Variants in ZNF611 observed in about 807,000 individuals in gnomAD.
The protein encoded by ZNF611 is zinc finger protein 611.
A neutral mutation model predicts 8.9 loss-of-function variants in ZNF611; 6 were observed. The ratio of observed to expected loss-of-function variants is 0.68; its 90% CI spans 0.37 to 1.34. ZNF611 has a LOEUF of 1.34. Ranked by LOEUF, ZNF611 falls within the 40% of genes most tolerant of loss-of-function variation. ZNF611 has a pLI of 0.02. For synonymous variants in ZNF611, 262 were observed against 279.7 expected, an observed-to-expected ratio of 0.94 and a Z score of 0.63; for missense variants, 874 against 841.3, an observed-to-expected ratio of 1.04 and a Z score of -0.48.
intron 3 of ZNF611, among the ~76,000 whole-genome samples, chr19:52,717,165 G>A (rs1369821487): frequency 6.6e-6 from 1 of 152,044 alleles, no homozygotes; most frequent in African/African-American, 2.4e-5. Flanking sequence ...CCAAACCAAC[G>A]TACTTCTTAC....
intron 1 of ZNF611, among the ~76,000 whole-genome samples, chr19:52,731,169 T>A (rs2062423644): frequency 6.6e-6 from 1 of 150,416 alleles, no homozygotes; most frequent in Admixed American, 6.6e-5. Flanking sequence ...TGGGTCCAAA[T>A]AATTCTCCTG....
chr19:52,710,516 C>A lies in ZNF611; in HGVS notation c.190+3499G>T, dbSNP rs1229757995. Among the ~76,000 whole-genome samples, 3 of 152,138 alleles carry A rather than the reference C, an allele frequency of 2.0e-5. No individual in the cohort carries two copies. In the East Asian group the frequency reaches 5.8e-4, roughly 29 times the overall value. On this transcript the variant is annotated intron_variant, in intron 5 of 5. Coordinates refer to ENST00000652185, the MANE Select transcript of ZNF611 (RefSeq NM_001161499.2). The stretch of plus-strand genomic sequence containing the variant: ...AAATATTGGGATAATAGGTGTGAGA[C>A]ATCATGCCCGTCCAATGTTTTTTAA...
At position 52,714,102 on chromosome 19, in the gene ZNF611, A is replaced by G. The variant is rs527311203; in HGVS notation, c.103T>C (p.Leu35=). The G allele has an allele frequency of 6.2e-6, 10 of 1,613,988 alleles. No individual in the cohort carries two copies. Among genetic ancestry groups the G allele is most frequent in the South Asian group, 4.4e-5 (4 of 91,034 alleles). The change falls in exon 5 of 6, where the codon TTG becomes CTG. Residue 35 remains leucine, a synonymous_variant. Transcript: ENST00000652185. The part of the protein sequence containing the change: ...TFRDVAIEFS[L]AEWKCLNPSQ... ...GGGTTCAGGCATTTCCACTCTGCCA[A>G]TGAGAATTCTATAGCCACATCCCGG...
At position 52,714,101 on chromosome 19, in the gene ZNF611, A is replaced by G; in HGVS notation, c.104T>C (p.Leu35Ser). The change falls in exon 5 of 6, where the codon TTG becomes TCG. Residue 35 changes from leucine to serine, a missense_variant. Leu to Ser is a moderately radical substitution (Grantham distance 145). Transcript: ENST00000652185. ...TFRDVAIEFS[L>S]AEWKCLNPSQ... is the part of the protein sequence containing the mutation. Reference sequence around the variant, plus strand: ...AGGGTTCAGGCATTTCCACTCTGCCAATGAGAATTCTATAGCCACATCCCG... The same window carrying G: ...AGGGTTCAGGCATTTCCACTCTGCCGATGAGAATTCTATAGCCACATCCCG... 1 of 1,613,934 alleles carries G rather than the reference A, an allele frequency of 6.2e-7. No homozygotes were observed. Among genetic ancestry groups the G allele is most frequent in the South Asian group, 1.1e-5 (1 of 91,024 alleles).
Position 52,714,046 on chromosome 19 carries a change from C to T in ZNF611, c.159G>A (p.Met53Ile), listed in dbSNP as rs750624146. 7 of 1,614,142 alleles carry T rather than the reference C, an allele frequency of 4.3e-6. No individual in the cohort carries two copies. The highest frequency in any genetic ancestry group is 5.9e-6 in the Non-Finnish European group (7 of 1,180,024). ...CCTCCAGGTTCCTGTAGTTCTCCAA[C>T]ATCACTTCCCTGTACAAAGCCCTCT... is the stretch of plus-strand genomic sequence containing the variant. ...PSQRALYREV[M>I]LENYRNLEAV... Residue 53 changes from methionine to isoleucine, a missense_variant, in exon 5 of 6, where the codon ATG (methionine) becomes ATA (isoleucine). By Grantham distance (10) the Met-to-Ile change is conservative. Coordinates refer to ENST00000652185, the MANE Select transcript of ZNF611 (RefSeq NM_001161499.2).
Position 52,704,609 on chromosome 19 carries a change from A to G in ZNF611, c.*328T>C. 2 of 1,578,900 alleles carry G rather than the reference A, an allele frequency of 1.3e-6. No homozygotes were observed. The highest frequency in any genetic ancestry group is 2.7e-5 in the African/African-American group (2 of 74,316). Reference sequence around the variant, plus strand: ...TTGCCACATTTATTACACTTGTAAGATCTCTCTTCATTATGGATTCTCCAA... The same window carrying G: ...TTGCCACATTTATTACACTTGTAAGGTCTCTCTTCATTATGGATTCTCCAA... On this transcript the variant is annotated 3_prime_UTR_variant, in exon 6 of 6. Transcript: ENST00000652185.
At chr19:52,733,879 T>C (rs565336532) in intron 1 of ZNF611, among the ~76,000 whole-genome samples, 41 of 152,102 alleles carry the variant, frequency 2.7e-4, no homozygotes, top group African/African-American at 2.9e-4. Flanking sequence ...CTGCCTCTTC[T>C]CCCATCTCTG....
rs565558905 is a variant in ZNF611, at chr19:52,726,043, C to A, written c.-20+2687G>T. On this transcript the variant is annotated intron_variant, in intron 3 of 5. Coordinates refer to ENST00000652185, the MANE Select transcript of ZNF611 (RefSeq NM_001161499.2). ...CAAACTAGAATGTGAAATGCAAAGC[C>A]CTGCCTGGGCGGAACATACGATTTC... Among the ~76,000 whole-genome samples the A allele has an allele frequency of 3.9e-5, 6 of 152,356 alleles. No homozygotes were observed. In the South Asian group the frequency reaches 1.2e-3, roughly 32 times the overall value.
intron 3 of ZNF611, among the ~76,000 whole-genome samples, chr19:52,718,470 A>C (rs2062332875): frequency 6.6e-6 from 1 of 151,968 alleles, no homozygotes; most frequent in Non-Finnish European, 1.5e-5. Context: ...CTGCCACTGC[A>C]CTCCAGCCTG....
chr19:52,726,595 T>C (rs1471936341), intron 3 of ZNF611, among the ~76,000 whole-genome samples: 1 of 151,914 alleles, frequency 6.6e-6, no homozygotes, highest in Non-Finnish European at 1.5e-5. Flanking sequence ...CTTTTTTGTA[T>C]TTTTAGTAGA....
At chr19:52,714,912 C>A (rs1291874415) in intron 4 of ZNF611, among the ~76,000 whole-genome samples, 2 of 151,760 alleles carry the variant, frequency 1.3e-5, no homozygotes, top group African/African-American at 2.4e-5. Context: ...GCAGGAGGAT[C>A]GCTTGAATCC....
At chr19:52,734,545 G>A (rs1466231167) in intron 1 of ZNF611, among the ~76,000 whole-genome samples, 1 of 50,874 alleles carries the variant, frequency 2.0e-5, no homozygotes, top group Non-Finnish European at 3.9e-5. Flanking sequence ...GCGGGGGGGG[G>A]GGGCGCGACG....
Position 52,704,693 on chromosome 19 carries a change from G to A in ZNF611, c.*244C>T, listed in dbSNP as rs530462277. 42 of 1,598,222 alleles carry A rather than the reference G, an allele frequency of 2.6e-5. No individual in the cohort carries two copies. The African/African-American group carries it at 3.3e-4, about 13-fold the overall frequency. On this transcript the variant is annotated 3_prime_UTR_variant, in exon 6 of 6. Transcript: ENST00000652185. The stretch of plus-strand genomic sequence containing the variant: ...TTGTGACAATCATTACATTAGTCAA[G>A]TTTCCCTACACCATGAATTGCCTGA...
chr19:52,730,640 A>G lies in ZNF611; in HGVS notation c.-221-635T>C, dbSNP rs112104244. 8.1e-3 allele frequency among the ~76,000 whole-genome samples: 1,221 copies of G among 151,452 alleles called. 14 individuals are homozygous for G. The highest frequency in any genetic ancestry group is 0.028 in the African/African-American group (1,144 of 41,284). On this transcript the variant is annotated intron_variant, in intron 1 of 5. Transcript: ENST00000652185. The stretch of plus-strand genomic sequence containing the variant: ...CCTCTTGTTGCCCAGGCTGGAGTGC[A>G]ATGTCACGATCTTGGCTCACCGCAA...
In ZNF611 at chr19:52,706,789, G is replaced by A; in HGVS notation, c.266C>T (p.Thr89Ile). ...GTGATGACTTTCATGTCTTTGCAAT[G>A]TCCCTGTGTGGATCACTTCTGTATT... ...QGNTEVIHTG[T>I]LQRHESHHIG... is the part of the protein sequence containing the mutation. Residue 89 changes from threonine to isoleucine, a missense_variant, in exon 6 of 6, where the codon ACA becomes ATA. Thr to Ile is a moderately conservative substitution (Grantham distance 89). Coordinates refer to ENST00000652185, the MANE Select transcript of ZNF611 (RefSeq NM_001161499.2). 4 of 1,613,870 alleles carry A rather than the reference G, an allele frequency of 2.5e-6. No individual in the cohort carries two copies. The highest frequency in any genetic ancestry group is 2.5e-6 in the Non-Finnish European group (3 of 1,179,958).
intron 3 of ZNF611, among the ~76,000 whole-genome samples, chr19:52,725,683 G>C (rs148114541): frequency 6.6e-6 from 1 of 152,144 alleles, no homozygotes; most frequent in South Asian, 2.1e-4. Context: ...CCAGGGACCT[G>C]GGAAGTGCAG....
intron 5 of ZNF611, among the ~76,000 whole-genome samples, chr19:52,712,101 G>A (rs1241466903): frequency 6.6e-5 from 10 of 152,064 alleles, no homozygotes; most frequent in Non-Finnish European, 1.0e-4. Flanking sequence ...GCAGCAGTAC[G>A]GTGGCCTGAG....
intron 5 of ZNF611, among the ~76,000 whole-genome samples, chr19:52,710,264 T>C (rs11084183): frequency 0.37 from 54,897 of 146,802 alleles, 10,323 homozygotes; most frequent in East Asian, 0.4. Flanking sequence ...AGAATCTAAC[T>C]CTGTCACCCG....
chr19:52,704,092 CCG>C lies in ZNF611; in HGVS notation c.*843_*844del, dbSNP rs1383774242. ...CAAGTGACCTATGTGCCTTGGCCTC[CCG>C]ACGTGCTGGGATTACAGGTCGGAGC... On this transcript the variant is annotated 3_prime_UTR_variant, in exon 6 of 6. Transcript: ENST00000652185. 3 of 269,118 alleles carry C rather than the reference CCG, an allele frequency of 1.1e-5. No individual in the cohort carries two copies. Among genetic ancestry groups the C allele is most frequent in the Middle Eastern group, 1.3e-3 (1 of 756 alleles). 16.7% of individuals were successfully genotyped at this position (269,118 alleles called of 1,614,324 possible).
Sources: gnomAD v4.1 joint callset for allele counts (sites outside exome capture counted in the v4.1 genomes callset) on GRCh38, gnomAD v4.1.1 for gene constraint, MANE v1.5 for transcripts, NCBI Gene and HGNC (gene_info 2026-07-23, HGNC 2026-07-21) for gene names.